Variants in TRPA1 observed in about 807,000 individuals in gnomAD.
TRPA1 encodes ankyrin-like with transmembrane domains 1.
TRPA1 carries 129 observed loss-of-function variants against 131.3 expected under a neutral mutation model. The ratio of observed to expected loss-of-function variants is 0.98; its 90% confidence interval spans 0.85 to 1.14. The LOEUF is 1.14. Ranked by LOEUF, TRPA1 falls within the 50% of genes most tolerant of loss-of-function variation. The pLI is 0.00. For missense variants in TRPA1, 1,304 were observed against 1,354.2 expected (o/e 0.96, Z 0.58); for synonymous variants, 441 against 451.7 (o/e 0.98, Z 0.30).
chr8:72,024,762 G>A (rs1389134572), intron 25 of TRPA1, among the ~76,000 whole-genome samples: 1 of 152,160 alleles, frequency 6.6e-6, no homozygotes, highest in Non-Finnish European at 1.5e-5. Context: ...TGAAGAGTGA[G>A]CTCTAGGATT....
At chr8:72,071,689 A>T in intron 2 of TRPA1, 22 bp downstream of exon 2, 1 of 1,612,194 alleles carries the variant, frequency 6.2e-7, no homozygotes, top group Non-Finnish European at 8.5e-7. Context: ...TTTCTGGAAG[A>T]TGAATTGTAA....
At position 72,065,587 on chromosome 8, in the gene TRPA1, A is replaced by G. The variant is rs76449744; in HGVS notation, c.445-29T>C. 507 of 1,583,160 alleles carry G rather than the reference A, an allele frequency of 3.2e-4. No homozygotes were observed. In the African/African-American group the frequency reaches 5.4e-3, roughly 17 times the overall value. ...AAAAAAGGGGAGAATAATTGTCAAAATTTTTGCAGATTTCCAAATAAGGTA... is the reference window on the plus strand; with the variant it reads ...AAAAAAGGGGAGAATAATTGTCAAAGTTTTTGCAGATTTCCAAATAAGGTA... On this transcript the variant is annotated intron_variant, in intron 3 of 26. Transcript: ENST00000262209.
At chr8:72,066,132 T>C (rs1440619715) in intron 3 of TRPA1, among the ~76,000 whole-genome samples, 1 of 152,166 alleles carries the variant, frequency 6.6e-6, no homozygotes, top group Non-Finnish European at 1.5e-5. Context: ...TAATTCAAAC[T>C]TGGCCTGGAA....
chr8:72,059,586 T>C (rs1461131178), intron 7 of TRPA1, 148 bp from the exon 8 acceptor site: 1 of 565,658 alleles, frequency 1.8e-6, no homozygotes, highest in African/African-American at 1.9e-5. Context: ...GCTTTCAAAA[T>C]TTATAATTTG....
chr8:72,023,858 AT>A lies in TRPA1; in HGVS notation c.3104del (p.Asn1035MetfsTer6). The A allele has an allele frequency of 6.3e-7, 1 of 1,596,222 alleles. No individual in the cohort carries two copies. Among genetic ancestry groups the A allele is most frequent in the Non-Finnish European group, 8.6e-7 (1 of 1,164,148 alleles). Reference protein sequence around the residue: ...CTGEIRQEIPNADKSLEMEIL... With the variant: ...CTGEIRQEIPXADKSLEMEIL... ...TTTCCATTTCTAAAGATTTATCAGC[AT>A]TTGGTATTTCTTGTCTTATTTCCCC... On this transcript the variant is annotated frameshift_variant, in exon 26 of 27. Transcript: ENST00000262209. LOFTEE classifies it high-confidence loss of function.
At chr8:72,035,831 C>T (rs921155219) in intron 21 of TRPA1, among the ~76,000 whole-genome samples, 5 of 151,856 alleles carry the variant, frequency 3.3e-5, no homozygotes, top group Non-Finnish European at 7.4e-5. Context: ...TTTGTCTAGA[C>T]CAGTGTTCTT....
At chr8:72,036,030 AG>A (rs71265964) in intron 21 of TRPA1, among the ~76,000 whole-genome samples, 9,252 of 121,780 alleles carry the variant, frequency 0.076, 365 homozygotes, top group Middle Eastern at 0.13. Context: ...AAAAAAAAAA[AG>A]AAGAAGAAGA....
At chr8:72,084,060 C>T in the TRPA1 span, among the ~76,000 whole-genome samples, 5,838 of 152,210 alleles carry the variant, frequency 0.038, 378 homozygotes, top group African/African-American at 0.13. Flanking sequence ...ATCTGCTTCT[C>T]ATTCTTACAG....
At chr8:72,052,965 C>CTG (rs57129422) in intron 13 of TRPA1, 200 bp from the exon 14 acceptor site, 19,014 of 321,048 alleles carry the variant, frequency 0.059, 550 homozygotes, top group South Asian at 0.066. Context: ...GGAAGTGGAT[C>CTG]TGTGTGTGTG....
At chr8:72,049,890 C>A (rs1805452338) in intron 15 of TRPA1, among the ~76,000 whole-genome samples, 1 of 152,070 alleles carries the variant, frequency 6.6e-6, no homozygotes, top group South Asian at 2.1e-4. Context: ...GACAACTAGG[C>A]ACTGGAGCCC....
chr8:72,084,647 A>ATTTTTTTTTTT, the TRPA1 span, among the ~76,000 whole-genome samples: 1 of 104,970 alleles, frequency 9.5e-6, no homozygotes, highest in Non-Finnish European at 1.9e-5. Context: ...TAAAATGATA[A>ATTTTTTTTTTT]TTTTTTTTTT....
At chr8:72,080,492 T>C (rs548474815), upstream of TRPA1, among the ~76,000 whole-genome samples, 58 of 151,838 alleles carry the variant, frequency 3.8e-4, no homozygotes, top group African/African-American at 8.7e-4. Context: ...TTGTCAAAGA[T>C]TTCTGTGTTT....
At position 72,069,212 on chromosome 8, in the gene TRPA1, C is replaced by A; in HGVS notation, c.269-14G>T. ...TTTCATGCAGCACTAGAAAAAGAAA[C>A]CAGAATATGGATTAAATTTTGCTTA... is the stretch of plus-strand genomic sequence containing the variant. On this transcript the variant is annotated splice_polypyrimidine_tract_variant and intron_variant, in intron 2 of 26. Transcript: ENST00000262209. The A allele has an allele frequency of 6.2e-7, 1 of 1,613,944 alleles. No individual in the cohort carries two copies. The highest frequency in any genetic ancestry group is 2.2e-5 in the East Asian group (1 of 44,878).
intron 19 of TRPA1, 39 bp downstream of exon 19, chr8:72,038,826 T>A (rs1812147385): frequency 6.4e-7 from 1 of 1,561,646 alleles, no homozygotes; most frequent in Admixed American, 1.7e-5. Context: ...ATACATTTTT[T>A]ATAATCCTTT....
upstream of TRPA1, among the ~76,000 whole-genome samples, chr8:72,078,978 A>G (rs1260631807): frequency 1.3e-5 from 2 of 151,994 alleles, no homozygotes; most frequent in African/African-American, 4.8e-5. Flanking sequence ...TGAGTCTCTA[A>G]TTAGTATTTC....
chr8:72,080,736 TA>T, the TRPA1 span, among the ~76,000 whole-genome samples: 2 of 151,848 alleles, frequency 1.3e-5, no homozygotes, highest in Admixed American at 6.6e-5. Flanking sequence ...TTTGTAGAGC[TA>T]TTTTGATTTA....
intron 12 of TRPA1, chr8:72,054,363 G>A (rs1805606568): frequency 6.4e-6 from 1 of 157,154 alleles, no homozygotes; most frequent in Admixed American, 6.3e-5. Flanking sequence ...ATTATTCTAA[G>A]AGTTTAAATC....
chr8:72,052,301 A>G (rs1452530027), intron 14 of TRPA1, among the ~76,000 whole-genome samples: 1 of 152,210 alleles, frequency 6.6e-6, no homozygotes, highest in Non-Finnish European at 1.5e-5. Flanking sequence ...TCATGCCTAT[A>G]GTCCCAGCTA....
In TRPA1 at chr8:72,052,587, A is replaced by C; in HGVS notation, c.1811+12T>G. The C allele has an allele frequency of 6.2e-7, 1 of 1,613,400 alleles. No homozygotes were observed. The highest frequency in any genetic ancestry group is 1.1e-5 in the South Asian group (1 of 91,028). The stretch of plus-strand genomic sequence containing the variant: ...AGAACACTAAATGACAGTGGACAGG[A>C]AGACAGTGTACCTTTTGCTCCTGAT... On this transcript the variant is annotated intron_variant, in intron 14 of 26. Transcript: ENST00000262209.
Sources: gnomAD v4.1 joint callset for allele counts (sites outside exome capture counted in the v4.1 genomes callset) on GRCh38, gnomAD v4.1.1 for gene constraint, MANE v1.5 for transcripts, NCBI Gene and HGNC (gene_info 2026-07-23, HGNC 2026-07-21) for gene names.